Variants in BMP6 observed in about 807,000 individuals in gnomAD.
BMP6 encodes VG-1-R.
Under a neutral mutation model 54.1 loss-of-function variants are expected in BMP6, and 17 were observed. The ratio of observed to expected loss-of-function variants is 0.31; its 90% CI spans 0.22 to 0.47. The LOEUF (loss-of-function observed/expected upper bound fraction) is 0.47, where lower values mean the gene tolerates loss of function less well. BMP6 is among the 20% of genes least tolerant of loss of function. BMP6 has a pLI of 1.00. For synonymous variants in BMP6, 328 were observed against 291.2 expected (o/e 1.13, Z -1.28); for missense variants, 720 against 690.4 (o/e 1.04, Z -0.48).
At chr6:7,871,488 G>T (rs564355596) in intron 4 of BMP6, among the ~76,000 whole-genome samples, 2 of 152,320 alleles carry the variant, frequency 1.3e-5, no homozygotes, top group East Asian at 3.9e-4. Context: ...TTTGTCATCT[G>T]TGTCACCTGA....
At position 7,797,556 on chromosome 6, in the gene BMP6, G is replaced by A. The variant is rs550269067; in HGVS notation, c.665-47584G>A. Among the ~76,000 whole-genome samples the A allele has an allele frequency of 2.1e-3, 323 of 152,240 alleles. 7 individuals carry two copies. The highest frequency in any genetic ancestry group is 7.4e-4 in the Non-Finnish European group (50 of 68,012). On this transcript the variant is annotated intron_variant, in intron 1 of 6. Coordinates refer to ENST00000283147, the MANE Select transcript of BMP6 (RefSeq NM_001718.6). ...AGAAACAAGAGTGGGTGCTGAGAGGGAGTAATAAACCATCCAACTGCAAAT... is the reference window on the plus strand; with the variant it reads ...AGAAACAAGAGTGGGTGCTGAGAGGAAGTAATAAACCATCCAACTGCAAAT...
At chr6:7,815,886 A>C (rs2113217529) in intron 1 of BMP6, among the ~76,000 whole-genome samples, 1 of 152,326 alleles carries the variant, frequency 6.6e-6, no homozygotes, top group Middle Eastern at 3.4e-3. Context: ...AAATAGAGCA[A>C]GAGGAAACAG....
intron 1 of BMP6, among the ~76,000 whole-genome samples, chr6:7,775,373 C>G (rs1170705501): frequency 6.6e-6 from 1 of 152,124 alleles, no homozygotes; most frequent in Non-Finnish European, 1.5e-5. Context: ...TGAAGTGGTC[C>G]TGAATGGCTG....
chr6:7,855,560 T>C (rs1217553165), intron 2 of BMP6, among the ~76,000 whole-genome samples: 13 of 138,400 alleles, frequency 9.4e-5, no homozygotes, highest in African/African-American at 2.2e-4. Flanking sequence ...TCTCTTTTTT[T>C]TTTTTTTTTT....
At chr6:7,831,060 C>T (rs570541487) in intron 1 of BMP6, among the ~76,000 whole-genome samples, 12 of 152,272 alleles carry the variant, frequency 7.9e-5, no homozygotes, top group South Asian at 2.1e-4. Context: ...AAATGTCCAT[C>T]GATGGATGAA....
chr6:7,837,619 C>T lies in BMP6; in HGVS notation c.665-7521C>T, dbSNP rs148180941. Among the ~76,000 whole-genome samples the T allele has an allele frequency of 8.3e-4, 127 of 152,108 alleles. 2 individuals carry two copies. The highest frequency in any genetic ancestry group is 2.9e-3 in the African/African-American group (122 of 41,470). Reference sequence around the variant, plus strand: ...GAGGATGCAAAGTCAAAGAATGACACAATGGACTTTGAGGACTCGGGGGAA... The same window carrying T: ...GAGGATGCAAAGTCAAAGAATGACATAATGGACTTTGAGGACTCGGGGGAA... On this transcript the variant is annotated intron_variant, in intron 1 of 6. Coordinates refer to ENST00000283147, the MANE Select transcript of BMP6 (RefSeq NM_001718.6).
At chr6:7,732,085 A>G (rs1470341623) in intron 1 of BMP6, among the ~76,000 whole-genome samples, 3 of 152,238 alleles carry the variant, frequency 2.0e-5, no homozygotes, top group African/African-American at 7.2e-5. Context: ...CCCTACTTGT[A>G]TTTGTAACTA....
At chr6:7,795,654 GA>G (rs1758180861) in intron 1 of BMP6, among the ~76,000 whole-genome samples, 1 of 152,178 alleles carries the variant, frequency 6.6e-6, no homozygotes, top group Admixed American at 6.5e-5. Context: ...GCATGGGATA[GA>G]ACTTGGAGAA....
intron 1 of BMP6, among the ~76,000 whole-genome samples, chr6:7,795,220 A>T (rs889011747): frequency 6.6e-6 from 1 of 152,170 alleles, no homozygotes; most frequent in African/African-American, 2.4e-5. Flanking sequence ...GACAATTTTC[A>T]TTCATCCCCA....
At chr6:7,792,428 T>G (rs1473549560) in intron 1 of BMP6, among the ~76,000 whole-genome samples, 1 of 152,214 alleles carries the variant, frequency 6.6e-6, no homozygotes, top group Non-Finnish European at 1.5e-5. Context: ...ACCACACATC[T>G]TCTAAACAGT....
At chr6:7,798,265 C>T (rs1364452422) in intron 1 of BMP6, among the ~76,000 whole-genome samples, 2 of 152,190 alleles carry the variant, frequency 1.3e-5, no homozygotes, top group Non-Finnish European at 1.5e-5. Flanking sequence ...CAAGTTCTTG[C>T]CATGAGTCAC....
At chr6:7,741,440 C>G (rs1032001145) in intron 1 of BMP6, among the ~76,000 whole-genome samples, 9 of 151,018 alleles carry the variant, frequency 6.0e-5, no homozygotes, top group African/African-American at 1.7e-4. Context: ...GACTACTAGG[C>G]GTGTACCACC....
intron 1 of BMP6, among the ~76,000 whole-genome samples, chr6:7,799,272 T>C (rs933854474): frequency 6.6e-6 from 1 of 152,214 alleles, no homozygotes; most frequent in Non-Finnish European, 1.5e-5. Context: ...TCAAGGTTTA[T>C]TTATGTTGTG....
intron 1 of BMP6, among the ~76,000 whole-genome samples, chr6:7,748,245 G>A (rs1757373961): frequency 6.6e-6 from 1 of 152,154 alleles, no homozygotes. Flanking sequence ...GGGTTCTCAG[G>A]GTGGTTGGGA....
chr6:7,852,876 T>TGTC (rs1369385143), intron 2 of BMP6, among the ~76,000 whole-genome samples: 6 of 152,230 alleles, frequency 3.9e-5, no homozygotes, highest in Non-Finnish European at 5.9e-5. Context: ...GGAAAGGGAC[T>TGTC]ACACAGAAGT....
At chr6:7,830,416 T>C (rs1194583906) in intron 1 of BMP6, among the ~76,000 whole-genome samples, 1 of 152,224 alleles carries the variant, frequency 6.6e-6, no homozygotes, top group Non-Finnish European at 1.5e-5. Flanking sequence ...CCCCAGCCTC[T>C]TTCTGCTCAG....
chr6:7,795,605 G>T (rs1378039666), intron 1 of BMP6, among the ~76,000 whole-genome samples: 1 of 152,180 alleles, frequency 6.6e-6, no homozygotes, highest in East Asian at 1.9e-4. Flanking sequence ...GACCAGACTT[G>T]TGTTTTTAGG....
intron 1 of BMP6, among the ~76,000 whole-genome samples, chr6:7,745,224 G>A (rs915039992): frequency 7.2e-5 from 11 of 152,192 alleles, no homozygotes; most frequent in African/African-American, 2.4e-4. Flanking sequence ...ATTGTGTTAT[G>A]TTCTGGGAGA....
At chr6:7,862,558 G>T (rs1759352593) in intron 4 of BMP6, 60 bp downstream of exon 4, 5 of 1,594,876 alleles carry the variant, frequency 3.1e-6, no homozygotes, top group Admixed American at 3.4e-5. Flanking sequence ...GAGAACAAAA[G>T]TTGTGTCCAC....
Sources: allele counts gnomAD v4.1 joint callset (sites outside exome capture counted in the v4.1 genomes callset), GRCh38; gene constraint gnomAD v4.1.1; transcripts MANE v1.5; gene names NCBI Gene and HGNC (gene_info 2026-07-23, HGNC 2026-07-21).